The following SGK2 variants were observed in gnomAD, a reference collection of about 807,000 sequenced individuals.
SGK2 encodes serum/glucocorticoid regulated kinase 2, also known as serine/threonine-protein kinase Sgk2.
Under a neutral mutation model 47.5 loss-of-function variants are expected in SGK2, and 36 were observed. The observed-to-expected ratio is 0.76, with a 90% CI of 0.58 to 1.00. SGK2 has a LOEUF of 1.00. Among genes scored for constraint, SGK2 ranks in the 50% least tolerant of loss-of-function variants. The probability of loss-of-function intolerance (pLI) is 0.00; values close to 1 mark genes in which losing one functional copy is unlikely to be tolerated. For missense variants in SGK2, 404 were observed against 467.4 expected (o/e 0.86, Z 1.25); for synonymous variants, 157 against 181.9 (o/e 0.86, Z 1.10).
intron 9 of SGK2, 34 bp from the exon 10 acceptor site, chr20:43,574,875 A>T: frequency 6.4e-7 from 1 of 1,559,202 alleles, no homozygotes; most frequent in Non-Finnish European, 8.8e-7. Context: ...AGGCTTAACG[A>T]CTTATTTCAA....
At chr20:43,563,107 G>A (rs572658780) in intron 1 of SGK2, among the ~76,000 whole-genome samples, 51 of 147,300 alleles carry the variant, frequency 3.5e-4, no homozygotes, top group Non-Finnish European at 5.3e-4. Context: ...CTGCACTCCA[G>A]CCTGGGTGAC....
intron 2 of SGK2, among the ~76,000 whole-genome samples, 195 bp from the exon 3 acceptor site, chr20:43,566,873 A>G (rs1979755439): frequency 8.6e-6 from 1 of 116,676 alleles, no homozygotes; most frequent in Admixed American, 9.2e-5. Flanking sequence ...AAGATGGTGG[A>G]TAAGTGGATT....
At chr20:43,571,099 G>GTGTA in intron 8 of SGK2, 39 bp downstream of exon 8, 2 of 1,230,532 alleles carry the variant, frequency 1.6e-6, no homozygotes, top group South Asian at 2.7e-5. Flanking sequence ...GTGTGTGTGT[G>GTGTA]TGTATGTGGT....
At chr20:43,578,251 A>G (rs1216167861) in intron 11 of SGK2, among the ~76,000 whole-genome samples, 1 of 152,092 alleles carries the variant, frequency 6.6e-6, no homozygotes, top group African/African-American at 2.4e-5. Context: ...TTGGGAGGCC[A>G]AGGCGGGCGG....
At position 43,572,247 on chromosome 20, in the gene SGK2, C is replaced by A. The variant is rs1381582448; in HGVS notation, c.597+110C>A. 1.3e-5 allele frequency: 10 copies of A among 797,396 alleles called. No individual in the cohort carries two copies. The highest frequency in any genetic ancestry group is 2.1e-5 in the Non-Finnish European group (10 of 476,268). 49.4% of individuals were successfully genotyped at this position (797,396 alleles called of 1,614,324 possible). ...GGGACTCACTCCTTTGACCCAAACA[C>A]TTCTCCTGAGTGGGCTATACACTGA... is the stretch of plus-strand genomic sequence containing the variant. On this transcript the variant is annotated intron_variant, in intron 9 of 12. Transcript: ENST00000373100. This position sits in a 1 kb window ranked among gnomAD's most constrained non-coding sequence, Gnocchi z 4.2.
At chr20:43,568,164 C>G (rs1347213656) in intron 5 of SGK2, among the ~76,000 whole-genome samples, 165 bp downstream of exon 5, 1 of 152,134 alleles carries the variant, frequency 6.6e-6, no homozygotes, top group Non-Finnish European at 1.5e-5. Flanking sequence ...TGGCCCTTCT[C>G]AAAGAAAGCA....
At chr20:43,564,438 T>G (rs866509198) in intron 1 of SGK2, among the ~76,000 whole-genome samples, 8 of 152,212 alleles carry the variant, frequency 5.3e-5, no homozygotes, top group Admixed American at 1.3e-4. Flanking sequence ...CCAGATGGTC[T>G]ACACAGGGTT....
At chr20:43,559,545 C>T (rs1979267068) in intron 1 of SGK2, among the ~76,000 whole-genome samples, 2 of 152,156 alleles carry the variant, frequency 1.3e-5, no homozygotes, top group Non-Finnish European at 1.5e-5. Context: ...GTCCTTGCCT[C>T]AGTTTTCTCC....
At chr20:43,579,839 T>C (rs1246065621) in intron 11 of SGK2, 133 bp from the exon 12 acceptor site, 1 of 694,342 alleles carries the variant, frequency 1.4e-6, no homozygotes, top group Non-Finnish European at 2.6e-6. Flanking sequence ...CCCAGGAAAC[T>C]AGCCAGAACT....
At chr20:43,565,734 C>T (rs1429144858) in intron 1 of SGK2, 1 of 152,230 alleles carries the variant, frequency 6.6e-6, no homozygotes, top group African/African-American at 2.4e-5. Context: ...TGTGGCAGGG[C>T]CTGGGCACCC....
In SGK2 at chr20:43,583,521, G is replaced by T; in HGVS notation, c.940-1331G>T. 3 of 1,138,346 alleles carry T rather than the reference G, an allele frequency of 2.6e-6. No individual in the cohort carries two copies. The East Asian group carries it at 2.1e-4, about 78-fold the overall frequency. 70.5% of individuals were successfully genotyped at this position (1,138,346 alleles called of 1,614,324 possible). A position where few individuals can be genotyped will look rare whatever the true frequency, so the allele number is the denominator to read the frequency against. On this transcript the variant is annotated intron_variant, in intron 12 of 12. Coordinates refer to ENST00000373100, the MANE Select transcript of SGK2 (RefSeq NM_170693.3). ...GAAGCTAGAAACTGTGATCTGTTTG[G>T]CTCCATAGCCCGACTTGCACACTAA... is the stretch of plus-strand genomic sequence containing the variant.
At chr20:43,574,690 G>A (rs1980359360) in intron 9 of SGK2, among the ~76,000 whole-genome samples, 1 of 152,198 alleles carries the variant, frequency 6.6e-6, no homozygotes, top group Non-Finnish European at 1.5e-5. Context: ...ATTGCACAAA[G>A]CAGTCCTGGC....
chr20:43,570,691 C>A lies in SGK2; in HGVS notation c.435C>A (p.Ser145Arg). 6.2e-7 allele frequency: 1 copy of A among 1,613,384 alleles called. No individual in the cohort carries two copies. Among genetic ancestry groups the A allele is most frequent in the Non-Finnish European group, 8.5e-7 (1 of 1,179,406 alleles). ...RARFYAAEVA[S>R]AIGYLHSLNI... ...GGTTCTACGCTGCTGAGGTGGCCAG[C>A]GCCATTGGCTACCTGCACTCCCTCA... Residue 145 changes from serine to arginine, a missense_variant, in exon 7 of 13, where the codon AGC (serine) becomes AGA (arginine). By Grantham distance (110) the Ser-to-Arg change is moderately radical. Transcript: ENST00000373100.
In SGK2 at chr20:43,562,578, T is replaced by C. The variant is rs889959164; in HGVS notation, c.-24+3419T>C. On this transcript the variant is annotated intron_variant, in intron 1 of 12. Transcript: ENST00000373100. ...CAACATGGTGAAACCCAGTCTCTAC[T>C]AAAAATACAAAAATTAGCCAGGCGC... is the stretch of plus-strand genomic sequence containing the variant. 3.4e-5 allele frequency among the ~76,000 whole-genome samples: 5 copies of C among 147,924 alleles called. No individual in the cohort carries two copies. The East Asian group carries it at 1.0e-3, about 31-fold the overall frequency.
At chr20:43,566,670 T>TAG in intron 2 of SGK2, 139 bp downstream of exon 2, 2 of 623,734 alleles carry the variant, frequency 3.2e-6, no homozygotes, top group Non-Finnish European at 5.7e-6. Flanking sequence ...GCAGGGTGAA[T>TAG]AGAGTAGAGA....
At chr20:43,578,805 T>C (rs1980617662) in intron 11 of SGK2, among the ~76,000 whole-genome samples, 1 of 152,134 alleles carries the variant, frequency 6.6e-6, no homozygotes, top group South Asian at 2.1e-4. Flanking sequence ...GCTTAAAGAA[T>C]AGGGGCTTCC....
rs139894477 is a variant in SGK2 at position 43,580,243 on chromosome 20, C to T, written c.939+182C>T. Among the ~76,000 whole-genome samples, 10 of 152,316 alleles carry T rather than the reference C, an allele frequency of 6.6e-5. No individual in the cohort carries two copies. The East Asian group carries it at 1.9e-3, about 29-fold the overall frequency. On this transcript the variant is annotated intron_variant, in intron 12 of 12. Transcript: ENST00000373100. The stretch of plus-strand genomic sequence containing the variant: ...ACTACAGGTGCAGCTCTTGGATAAA[C>T]AGCCATGTTGCTGCTCCTTTGTCTT...
intron 1 of SGK2, among the ~76,000 whole-genome samples, chr20:43,560,691 G>T (rs1317542814): frequency 6.6e-6 from 1 of 152,026 alleles, no homozygotes; most frequent in Non-Finnish European, 1.5e-5. Flanking sequence ...GCTTGATATT[G>T]TATCACATGT....
At chr20:43,578,963 A>G (rs1240496440) in intron 11 of SGK2, among the ~76,000 whole-genome samples, 3 of 151,580 alleles carry the variant, frequency 2.0e-5, no homozygotes, top group African/African-American at 7.3e-5. Context: ...CAGTTCCTCA[A>G]TTCAGAGGCA....
Sources: allele counts gnomAD v4.1 joint callset (sites outside exome capture counted in the v4.1 genomes callset), GRCh38; gene constraint gnomAD v4.1.1; non-coding constraint Gnocchi (gnomAD v3.1); transcripts MANE v1.5; gene names NCBI Gene and HGNC (gene_info 2026-07-23, HGNC 2026-07-21).